The following CERS3 variants were observed in gnomAD, a reference collection of about 807,000 sequenced individuals.
CERS3 encodes the protein LAG1 homolog, ceramide synthase 3.
In CERS3, 33 loss-of-function variants were observed where a neutral mutation model predicts 50.3. That is an observed-to-expected ratio of 0.66 (90% CI 0.50 to 0.88). The LOEUF (loss-of-function observed/expected upper bound fraction) is 0.88, where lower values mean the gene tolerates loss of function less well. CERS3 is among the 40% of genes least tolerant of loss of function. The probability of loss-of-function intolerance (pLI) is 0.00; values close to 1 mark genes in which losing one functional copy is unlikely to be tolerated. For synonymous variants in CERS3, 176 were observed against 155.2 expected (o/e 1.13, Z -0.99); for missense variants, 470 against 460.3 (o/e 1.02, Z -0.19).
chr15:100,504,533 C>A (rs183810837), intron 2 of CERS3, among the ~76,000 whole-genome samples: 1 of 152,148 alleles, frequency 6.6e-6, no homozygotes, highest in Non-Finnish European at 1.5e-5. Flanking sequence ...ATAAGCACTG[C>A]GCCCAGCCTC....
At chr15:100,480,472 TA>T (rs2035264475) in intron 5 of CERS3, among the ~76,000 whole-genome samples, 1 of 152,166 alleles carries the variant, frequency 6.6e-6, no homozygotes, top group Non-Finnish European at 1.5e-5. Flanking sequence ...AATTCCCAGT[TA>T]AAAGGTTTTT....
intron 1 of CERS3, among the ~76,000 whole-genome samples, chr15:100,543,727 A>G (rs2037261527): frequency 1.3e-5 from 2 of 151,884 alleles, no homozygotes; most frequent in Admixed American, 6.6e-5. Context: ...ACGGGGTTTC[A>G]CCATGTTGGC....
At chr15:100,437,664 A>G (rs564485924) in intron 11 of CERS3, 1 of 152,368 alleles carries the variant, frequency 6.6e-6, no homozygotes, top group African/African-American at 2.4e-5. Flanking sequence ...TATTGATCAT[A>G]TTGATCATGA....
At chr15:100,445,582 G>A (rs1490109011) in intron 11 of CERS3, among the ~76,000 whole-genome samples, 1 of 152,020 alleles carries the variant, frequency 6.6e-6, no homozygotes, top group African/African-American at 2.4e-5. Flanking sequence ...AATGACAAAT[G>A]TTTCTTCTAA....
At chr15:100,479,090 A>G (rs1359573111) in intron 7 of CERS3, among the ~76,000 whole-genome samples, 2 of 152,192 alleles carry the variant, frequency 1.3e-5, no homozygotes, top group African/African-American at 4.8e-5. Flanking sequence ...AAAAGTCAAT[A>G]TAAGGGATGA....
chr15:100,535,174 G>T (rs1448024061), intron 1 of CERS3, among the ~76,000 whole-genome samples: 1 of 152,106 alleles, frequency 6.6e-6, no homozygotes, highest in Admixed American at 6.6e-5. Flanking sequence ...TCAGATTTTG[G>T]CATCCATAGT....
upstream of CERS3, among the ~76,000 whole-genome samples, chr15:100,533,272 T>C (rs1300110350): frequency 1.3e-5 from 2 of 152,182 alleles, no homozygotes; most frequent in Admixed American, 6.5e-5. Context: ...ACTGTATCTC[T>C]TATCTGCCTC....
rs147295392 is a variant in CERS3, at chr15:100,501,892, CG to C, written c.-1-43del. ...AGACATTAGGCTTGTAAAACAAACA[CG>C]TAACTTTAGGATAACATTGATCACC... On this transcript the variant is annotated intron_variant, in intron 2 of 11. Transcript: ENST00000679737. The C allele has an allele frequency of 1.5e-3, 2,434 of 1,594,722 alleles. 1 individual carries two copies. The highest frequency in any genetic ancestry group is 1.9e-3 in the Non-Finnish European group (2,248 of 1,165,820).
chr15:100,491,893 CTTTTT>C (rs35370636), intron 3 of CERS3, among the ~76,000 whole-genome samples: 1 of 146,426 alleles, frequency 6.8e-6, no homozygotes, highest in African/African-American at 2.5e-5. Flanking sequence ...TTATTGATTT[CTTTTT>C]TTTTTTTTAA....
At chr15:100,479,129 G>C (rs768055531) in intron 7 of CERS3, among the ~76,000 whole-genome samples, 32 of 152,072 alleles carry the variant, frequency 2.1e-4, no homozygotes, top group Admixed American at 5.2e-4. Context: ...TTAATTACTT[G>C]ACTGTCCCAT....
At chr15:100,426,255 A>C (rs2032804701) in intron 11 of CERS3, among the ~76,000 whole-genome samples, 1 of 152,242 alleles carries the variant, frequency 6.6e-6, no homozygotes, top group Non-Finnish European at 1.5e-5. Context: ...AAATAAAATA[A>C]ATTTGACCTA....
chr15:100,420,849 A>G (rs2032371040), intron 11 of CERS3, among the ~76,000 whole-genome samples: 1 of 151,936 alleles, frequency 6.6e-6, no homozygotes, highest in South Asian at 2.1e-4. Flanking sequence ...TTGTCTCAAT[A>G]GATGCAGAAA....
At chr15:100,508,522 T>C (rs1235414494) in intron 2 of CERS3, among the ~76,000 whole-genome samples, 1 of 152,204 alleles carries the variant, frequency 6.6e-6, no homozygotes, top group Non-Finnish European at 1.5e-5. Context: ...ATACCTGTGT[T>C]TTTAAAACCC....
At chr15:100,533,479 GTTC>G (rs1244105289), upstream of CERS3, among the ~76,000 whole-genome samples, 1 of 151,326 alleles carries the variant, frequency 6.6e-6, no homozygotes, top group African/African-American at 2.4e-5. Flanking sequence ...AATTCATTGG[GTTC>G]TTTTCTTTTC....
chr15:100,506,779 A>G (rs2036197128), intron 2 of CERS3, among the ~76,000 whole-genome samples: 1 of 152,228 alleles, frequency 6.6e-6, no homozygotes, highest in Admixed American at 6.5e-5. Flanking sequence ...AAGTGGGGAC[A>G]GACGAGGGAA....
At chr15:100,542,357 C>A (rs2037221244) in intron 1 of CERS3, among the ~76,000 whole-genome samples, 1 of 152,140 alleles carries the variant, frequency 6.6e-6, no homozygotes, top group Admixed American at 6.6e-5. Flanking sequence ...TCACGCATGG[C>A]AACAGTAGAA....
intron 1 of CERS3, among the ~76,000 whole-genome samples, chr15:100,540,956 T>C (rs1167809113): frequency 6.6e-6 from 1 of 152,226 alleles, no homozygotes; most frequent in Non-Finnish European, 1.5e-5. Flanking sequence ...TATTCAACAA[T>C]GATTTACTAT....
chr15:100,440,119 G>C (rs2033613516), intron 11 of CERS3, among the ~76,000 whole-genome samples: 1 of 152,182 alleles, frequency 6.6e-6, no homozygotes, highest in South Asian at 2.1e-4. Flanking sequence ...TGGAAGGCTG[G>C]ACCCAATCAT....
chr15:100,492,915 A>G (rs1360218009), intron 3 of CERS3, among the ~76,000 whole-genome samples: 5 of 152,170 alleles, frequency 3.3e-5, no homozygotes, highest in Non-Finnish European at 1.5e-5. Flanking sequence ...ATTAATTTAT[A>G]ACATCTTACT....
Sources: gnomAD v4.1 joint callset for allele counts (sites outside exome capture counted in the v4.1 genomes callset) on GRCh38, gnomAD v4.1.1 for gene constraint, MANE v1.5 for transcripts, NCBI Gene and HGNC (gene_info 2026-07-23, HGNC 2026-07-21) for gene names.